The following TDRD9 variants were observed in gnomAD, a reference collection of about 807,000 sequenced individuals.
TDRD9 encodes the protein ATP-dependent RNA helicase TDRD9.
In TDRD9, 124 loss-of-function variants were observed where a neutral mutation model predicts 172.6. The ratio of observed to expected loss-of-function variants is 0.72; its 90% CI spans 0.62 to 0.83. The LOEUF is 0.83. TDRD9 is among the 40% of genes least tolerant of loss of function. TDRD9 has a pLI of 0.00. For missense variants in TDRD9, 1,479 were observed against 1,714.1 expected, an observed-to-expected ratio of 0.86 and a Z score of 2.42; for synonymous variants, 619 against 617.1, an observed-to-expected ratio of 1.00 and a Z score of -0.05.
intron 34 of TDRD9, among the ~76,000 whole-genome samples, chr14:104,044,555 C>T (rs2035710216): frequency 6.6e-6 from 1 of 152,172 alleles, no homozygotes; most frequent in Non-Finnish European, 1.5e-5. Flanking sequence ...TATGTGGAAT[C>T]ACATTTTAAT....
At chr14:103,995,101 T>A (rs1019209363) in intron 11 of TDRD9, among the ~76,000 whole-genome samples, 1 of 152,182 alleles carries the variant, frequency 6.6e-6, no homozygotes, top group African/African-American at 2.4e-5. Flanking sequence ...AAAGCTAAGA[T>A]TTTTTGTTTT....
chr14:104,039,787 A>C (rs2035559217), intron 32 of TDRD9, among the ~76,000 whole-genome samples: 1 of 152,132 alleles, frequency 6.6e-6, no homozygotes, highest in Non-Finnish European at 1.5e-5. Flanking sequence ...TTAGGCTTTT[A>C]CTAAGTGCTA....
chr14:103,993,796 C>G (rs557053009), intron 9 of TDRD9, among the ~76,000 whole-genome samples: 1 of 152,248 alleles, frequency 6.6e-6, no homozygotes, highest in Non-Finnish European at 1.5e-5. Context: ...CCAAATAACA[C>G]CACCTTCCGC....
intron 1 of TDRD9, among the ~76,000 whole-genome samples, chr14:103,952,204 ATATATATATATATATATTTTTTTT>A (rs2031929300): frequency 1.6e-4 from 12 of 74,296 alleles, no homozygotes; most frequent in Non-Finnish European, 2.7e-4. Context: ...ATATATATAT[ATATATATATATATATATTTTTTTT>A]TTTTTTTTTT....
At chr14:104,018,057 A>C (rs2034844119) in intron 22 of TDRD9, 35 bp from the exon 23 acceptor site, 1 of 1,256,092 alleles carries the variant, frequency 8.0e-7, no homozygotes, top group South Asian at 1.3e-5. Context: ...TGTTAGCTCT[A>C]GTAATCTGCT....
intron 7 of TDRD9, among the ~76,000 whole-genome samples, chr14:103,976,212 C>G (rs1467483252): frequency 6.6e-6 from 1 of 152,040 alleles, no homozygotes; most frequent in Non-Finnish European, 1.5e-5. Context: ...ATTCTTTTTT[C>G]ATGGCTGAGT....
chr14:104,020,468 C>T (rs1400934014), intron 23 of TDRD9, among the ~76,000 whole-genome samples: 2 of 152,114 alleles, frequency 1.3e-5, no homozygotes, highest in African/African-American at 2.4e-5. Context: ...GATGCAGCTT[C>T]GAGGAGAAGA....
chr14:104,010,053 C>G (rs2034566301), intron 20 of TDRD9, among the ~76,000 whole-genome samples: 1 of 150,616 alleles, frequency 6.6e-6, no homozygotes, highest in South Asian at 2.1e-4. Flanking sequence ...TCAAACAATT[C>G]TCCTGCCTCA....
At chr14:103,986,778 C>T (rs1014247291) in intron 8 of TDRD9, among the ~76,000 whole-genome samples, 30 of 152,076 alleles carry the variant, frequency 2.0e-4, no homozygotes, top group African/African-American at 7.0e-4. Flanking sequence ...AACATTTTCC[C>T]TGAGGAACAG....
chr14:103,962,731 A>G (rs1354615132), intron 2 of TDRD9, among the ~76,000 whole-genome samples: 1 of 151,936 alleles, frequency 6.6e-6, no homozygotes, highest in Admixed American at 6.6e-5. Flanking sequence ...AACATTTAAT[A>G]TTTGGTTTTC....
intron 2 of TDRD9, among the ~76,000 whole-genome samples, chr14:103,956,557 G>A (rs1164940735): frequency 6.6e-6 from 1 of 152,084 alleles, no homozygotes; most frequent in Non-Finnish European, 1.5e-5. Flanking sequence ...CAAGAGAATC[G>A]CTTGAACTGG....
chr14:103,952,190 GTATA>G (rs1566734586), intron 1 of TDRD9, among the ~76,000 whole-genome samples: 1,768 of 55,422 alleles, frequency 0.032, 96 homozygotes, highest in African/African-American at 0.1. Context: ...GCGTGTGTGT[GTATA>G]TATATATATA....
chr14:103,935,906 G>A (rs1160102653), intron 1 of TDRD9, among the ~76,000 whole-genome samples: 2 of 152,134 alleles, frequency 1.3e-5, no homozygotes, highest in Non-Finnish European at 2.9e-5. Context: ...ACCTCTTGGT[G>A]CAGTACCTGA....
At chr14:103,963,051 T>C in intron 2 of TDRD9, 28 bp from the exon 3 acceptor site, 1 of 1,352,606 alleles carries the variant, frequency 7.4e-7, no homozygotes. Flanking sequence ...GAAATGGCAT[T>C]GTATTTGTTT....
At chr14:103,932,623 G>T (rs112571903) in intron 1 of TDRD9, among the ~76,000 whole-genome samples, 1 of 151,798 alleles carries the variant, frequency 6.6e-6, no homozygotes, top group Non-Finnish European at 1.5e-5. Flanking sequence ...TCCTGGCCTC[G>T]TGATCTGCCT....
intron 1 of TDRD9, chr14:103,941,181 A>G (rs2031208048): frequency 8.5e-7 from 1 of 1,181,654 alleles, no homozygotes; most frequent in Non-Finnish European, 1.2e-6. Flanking sequence ...TACAGCTTGA[A>G]TAATGTATAC....
intron 2 of TDRD9, among the ~76,000 whole-genome samples, chr14:103,958,277 C>T (rs2032341535): frequency 6.6e-6 from 1 of 152,096 alleles, no homozygotes; most frequent in Admixed American, 6.5e-5. Flanking sequence ...GTGAGTGGAC[C>T]TTACTGAGGC....
intron 23 of TDRD9, among the ~76,000 whole-genome samples, chr14:104,021,251 C>T (rs927776594): frequency 6.6e-6 from 1 of 152,112 alleles, no homozygotes; most frequent in Non-Finnish European, 1.5e-5. Context: ...GGGGAAATCG[C>T]GCTCACAATC....
Position 104,052,156 on chromosome 14 carries a change from C to G in TDRD9, c.*74C>G. 3.8e-6 allele frequency: 4 copies of G among 1,041,256 alleles called. No individual in the cohort carries two copies. The highest frequency in any genetic ancestry group is 2.1e-5 in the Admixed American group (1 of 47,770). The allele number at this position is 1,041,256 out of a possible 1,614,324, so 64.5% of individuals were successfully genotyped here. ...CTGGATTCCAGGCTCCCTCCGCAGA[C>G]TGACTTTCCTCTGTGTCTGGGTGTT... is the stretch of plus-strand genomic sequence containing the variant. On this transcript the variant is annotated 3_prime_UTR_variant, in exon 36 of 36. Transcript: ENST00000409874.
Sources: allele counts gnomAD v4.1 joint callset (sites outside exome capture counted in the v4.1 genomes callset), GRCh38; gene constraint gnomAD v4.1.1; transcripts MANE v1.5; gene names NCBI Gene and HGNC (gene_info 2026-07-23, HGNC 2026-07-21).